Variants in AP5B1 observed in about 807,000 individuals in gnomAD.
AP5B1 encodes AP-5 complex subunit beta-1.
In AP5B1, 3 loss-of-function variants were observed where a neutral mutation model predicts 5.7. The ratio of observed to expected loss-of-function variants is 0.53; its 90% CI spans 0.24 to 1.36. The LOEUF (loss-of-function observed/expected upper bound fraction) is 1.36, where lower values mean the gene tolerates loss of function less well. Ranked by LOEUF, AP5B1 falls within the 40% of genes most tolerant of loss-of-function variation. The pLI is 0.17. For missense variants in AP5B1, 1,310 were observed against 1,143.2 expected (o/e 1.15, Z -2.10); for synonymous variants, 696 against 555.5 (o/e 1.25, Z -3.56).
chr11:65,778,757 A>G lies in AP5B1; in HGVS notation c.1736T>C (p.Val579Ala). ...CCCTGCCCGCAGCAGCGCCCGGCAG[A>G]CCCGCAGCAGGCCCTGCTGTAGGTC... Reference protein sequence around the residue: ...NWDLQQGLLRVCRALLRAGVR... With the variant: ...NWDLQQGLLRACRALLRAGVR... Residue 579 changes from valine to alanine, a missense_variant, in exon 2 of 2, where the codon GTC (valine) becomes GCC (alanine). Transcript: ENST00000532090. 5 of 1,608,862 alleles carry G rather than the reference A, an allele frequency of 3.1e-6. No homozygotes were observed. The highest frequency in any genetic ancestry group is 3.4e-6 in the Non-Finnish European group (4 of 1,178,380).
In AP5B1 at chr11:65,779,124, C is replaced by A; in HGVS notation, c.1369G>T (p.Gly457Cys). ...GLRQRAALDG[G>C]PRALATLCFQ... ...CAGAGAGTGGCCAAGGCCCGGGGGCCCCCATCCAGGGCTGCCCGCTGCCGC... is the reference window on the plus strand; with the variant it reads ...CAGAGAGTGGCCAAGGCCCGGGGGCACCCATCCAGGGCTGCCCGCTGCCGC... The change falls in exon 2 of 2, where the codon GGC (glycine) becomes TGC (cysteine). Residue 457 changes from glycine (G) to cysteine (C), a missense_variant. Physicochemically the swap from Gly to Cys is radical, Grantham distance 159. Coordinates refer to ENST00000532090, the MANE Select transcript of AP5B1 (RefSeq NM_138368.5). 6.2e-7 allele frequency: 1 copy of A among 1,609,128 alleles called. No homozygotes were observed. The highest frequency in any genetic ancestry group is 8.5e-7 in the Non-Finnish European group (1 of 1,178,392).
rs1287798702 is a variant in AP5B1, at chr11:65,780,129, G to A, written c.364C>T (p.Pro122Ser). The A allele has an allele frequency of 6.7e-7, 1 of 1,481,888 alleles. No homozygotes were observed. The highest frequency in any genetic ancestry group is 8.9e-7 in the Non-Finnish European group (1 of 1,119,270). The allele number at this position is 1,481,888 out of a possible 1,614,324, so 91.8% of individuals were successfully genotyped here. The part of the protein sequence containing the change: ...PTSGASCRLL[P>S]LLLGLAAGSD... ...CCCGCGGCCAGGCCGAGCAGTAGGG[G>A]CAGGAGCCGGCAGGAGGCGCCCGAG... The change falls in exon 2 of 2, where the codon CCC becomes TCC. Residue 122 changes from proline to serine, a missense_variant. Pro to Ser is a moderately conservative substitution (Grantham distance 74). Coordinates refer to ENST00000532090, the MANE Select transcript of AP5B1 (RefSeq NM_138368.5).
In AP5B1 at chr11:65,780,479, C is replaced by T; in HGVS notation, c.113G>A (p.Ser38Asn). 6.6e-7 allele frequency: 1 copy of T among 1,518,962 alleles called. No individual in the cohort carries two copies. The highest frequency in any genetic ancestry group is 8.8e-7 in the Non-Finnish European group (1 of 1,140,114). 94.1% of individuals were successfully genotyped at this position (1,518,962 alleles called of 1,614,324 possible). A position where few individuals can be genotyped will look rare whatever the true frequency, so the allele number is the denominator to read the frequency against. Residue 38 changes from serine to asparagine, a missense_variant, in exon 1 of 2, where the codon AGC becomes AAC. Ser to Asn is a conservative substitution (Grantham distance 46). Coordinates refer to ENST00000532090, the MANE Select transcript of AP5B1 (RefSeq NM_138368.5). Reference sequence around the variant, plus strand: ...GCTCAGCTTCTCACTTCTCAGGTCGCTCAGCAGGTCGCGACCCAAATCCTC... The same window carrying T: ...GCTCAGCTTCTCACTTCTCAGGTCGTTCAGCAGGTCGCGACCCAAATCCTC... The part of the protein sequence containing the change: ...EGEDLGRDLL[S>N]DLRSEKLSEQ...
At position 65,778,552 on chromosome 11, in the gene AP5B1, C is replaced by A; in HGVS notation, c.1941G>T (p.Glu647Asp). The A allele has an allele frequency of 6.3e-7, 1 of 1,581,958 alleles. No homozygotes were observed. The highest frequency in any genetic ancestry group is 8.6e-7 in the Non-Finnish European group (1 of 1,166,316). The change falls in exon 2 of 2, where the codon GAG becomes GAT. Residue 647 changes from glutamate to aspartate, a missense_variant. Glu to Asp is a conservative substitution (Grantham distance 45). Coordinates refer to ENST00000532090, the MANE Select transcript of AP5B1 (RefSeq NM_138368.5). ...TCAGTGCTGCCACAAAGCCCTGGTT[C>A]TCGGCCACCAGTGAAGAGGCCAGTG... ...APALASSLVA[E>D]NQGFVAALMV...
Position 65,778,081 on chromosome 11 carries a change from T to C in AP5B1, c.2412A>G (p.Pro804=), listed in dbSNP as rs775252064. Residue 804 remains proline, a synonymous_variant, in exon 2 of 2, where the codon CCA becomes CCG. Coordinates refer to ENST00000532090, the MANE Select transcript of AP5B1 (RefSeq NM_138368.5). Reference sequence around the variant, plus strand: ...GGGACACCAAGCCCTCCAGGCCCTGTGGCCCAAGTGGACACCACACACGAC... The same window carrying C: ...GGGACACCAAGCCCTCCAGGCCCTGCGGCCCAAGTGGACACCACACACGAC... ...AESRVWCPLG[P]QGLEGLVSRH... 83 of 1,612,788 alleles carry C rather than the reference T, an allele frequency of 5.1e-5. No homozygotes were observed. The highest frequency in any genetic ancestry group is 6.8e-6 in the Non-Finnish European group (8 of 1,179,874).
rs193141152 is a variant in AP5B1 at position 65,780,136 on chromosome 11, C to T, written c.357G>A (p.Arg119=). 4.5e-3 allele frequency: 6,692 copies of T among 1,481,200 alleles called. 17 individuals carry two copies. Among genetic ancestry groups the T allele is most frequent in the Middle Eastern group, 5.8e-3 (24 of 4,164 alleles). The allele number at this position is 1,481,200 out of a possible 1,614,324, so 91.8% of individuals were successfully genotyped here. The part of the protein sequence containing the change: ...ALGPTSGASC[R]LLPLLLGLAA... ...CCAGGCCGAGCAGTAGGGGCAGGAG[C>T]CGGCAGGAGGCGCCCGAGGTGGGGC... The change falls in exon 2 of 2, where the codon CGG becomes CGA. Residue 119 remains arginine (R), a synonymous_variant. Coordinates refer to ENST00000532090, the MANE Select transcript of AP5B1 (RefSeq NM_138368.5).
Position 65,779,221 on chromosome 11 carries a change from G to T in AP5B1, c.1272C>A (p.Ala424=). ...GGCCTTTCTCCTCTTCTTCCTCCTCGGCACAGAGCAGGCACAGTAAATGCA... is the reference window on the plus strand; with the variant it reads ...GGCCTTTCTCCTCTTCTTCCTCCTCTGCACAGAGCAGGCACAGTAAATGCA... The part of the protein sequence containing the change: ...ARLHLLCLLC[A]EEEEEEKGQL... Residue 424 remains alanine, a synonymous_variant, in exon 2 of 2, where the codon GCC becomes GCA. Coordinates refer to ENST00000532090, the MANE Select transcript of AP5B1 (RefSeq NM_138368.5). The T allele has an allele frequency of 1.2e-6, 2 of 1,602,172 alleles. No individual in the cohort carries two copies. The highest frequency in any genetic ancestry group is 1.7e-6 in the Non-Finnish European group (2 of 1,174,026).
Position 65,779,481 on chromosome 11 carries a change from A to G in AP5B1, c.1012T>C (p.Leu338=). 1 of 1,603,028 alleles carries G rather than the reference A, an allele frequency of 6.2e-7. No individual in the cohort carries two copies. The highest frequency in any genetic ancestry group is 8.5e-7 in the Non-Finnish European group (1 of 1,175,550). Reference sequence around the variant, plus strand: ...AACGCTTCATCCTGGGCTGTGAACAAGGCCTCACCAAAGGCCGCCTTGAGC... The same window carrying G: ...AACGCTTCATCCTGGGCTGTGAACAGGGCCTCACCAAAGGCCGCCTTGAGC... ...LALKAAFGEA[L]FTAQDEALLL... is the part of the protein sequence containing the mutation. Residue 338 remains leucine, a synonymous_variant, in exon 2 of 2, where the codon TTG becomes CTG. Transcript: ENST00000532090.
chr11:65,778,090 TGG>T lies in AP5B1; in HGVS notation c.2401_2402del (p.Pro801ThrfsTer59), dbSNP rs770638817. The T allele has an allele frequency of 1.2e-6, 2 of 1,612,760 alleles. No individual in the cohort carries two copies. The highest frequency in any genetic ancestry group is 1.7e-6 in the Non-Finnish European group (2 of 1,179,870). ...AGCCCTCCAGGCCCTGTGGCCCAAG[TGG>T]ACACCACACACGACTCTCAGCACCC... ...PEGAESRVWCPLGPQGLEGLV... is the reference protein window; with the variant it reads ...PEGAESRVWCXLGPQGLEGLV... On this transcript the variant is annotated frameshift_variant, in exon 2 of 2. Transcript: ENST00000532090. LOFTEE classifies it high-confidence loss of function.
rs192596040 is a variant in AP5B1 at position 65,779,228 on chromosome 11, A to T, written c.1265T>A (p.Leu422His). 3 of 1,599,174 alleles carry T rather than the reference A, an allele frequency of 1.9e-6. 1 individual carries two copies. The East Asian group carries it at 6.7e-5, about 36-fold the overall frequency. ...LLARLHLLCL[L>H]CAEEEEEEKG... is the part of the protein sequence containing the mutation. ...CTCCTCTTCTTCCTCCTCGGCACAG[A>T]GCAGGCACAGTAAATGCAGGCGGGC... Residue 422 changes from leucine to histidine, a missense_variant, in exon 2 of 2, where the codon CTC (leucine) becomes CAC (histidine). Transcript: ENST00000532090.
rs775687962 is a variant in AP5B1 at position 65,777,924 on chromosome 11, G to A, written c.2569C>T (p.Arg857Trp). 205 of 1,562,232 alleles carry A rather than the reference G, an allele frequency of 1.3e-4. No homozygotes were observed. Among genetic ancestry groups the A allele is most frequent in the Non-Finnish European group, 1.6e-4 (184 of 1,154,222 alleles). The change falls in exon 2 of 2, where the codon CGG becomes TGG. Residue 857 changes from arginine (R) to tryptophan (W), a missense_variant. Physicochemically the swap from Arg to Trp is moderately radical, Grantham distance 101. Transcript: ENST00000532090. Reference protein sequence around the residue: ...ALADGVPVALRTDDWAVLPLA... With the variant: ...ALADGVPVALWTDDWAVLPLA... ...GGCAGCACGGCCCAGTCATCGGTCCGCAGGGCCACAGGCACTCCATCTGCC... is the reference window on the plus strand; with the variant it reads ...GGCAGCACGGCCCAGTCATCGGTCCACAGGGCCACAGGCACTCCATCTGCC...
chr11:65,778,355 G>C lies in AP5B1; in HGVS notation c.2138C>G (p.Pro713Arg), dbSNP rs767463290. 1 of 1,610,432 alleles carries C rather than the reference G, an allele frequency of 6.2e-7. No homozygotes were observed. Among genetic ancestry groups the C allele is most frequent in the South Asian group, 1.1e-5 (1 of 90,892 alleles). The change falls in exon 2 of 2, where the codon CCC becomes CGC. Residue 713 changes from proline to arginine, a missense_variant. Physicochemically the swap from Pro to Arg is moderately radical, Grantham distance 103 (BLOSUM62 -2). Transcript: ENST00000532090. The stretch of plus-strand genomic sequence containing the variant: ...GGCAGGGCGGCCAGGACACAGGCAG[G>C]GCACATGGACAGCCTCCAGGGGTGC... Reference protein sequence around the residue: ...LYAPLEAVHVPCLCPGRPARP... With the variant: ...LYAPLEAVHVRCLCPGRPARP...
chr11:65,780,551 C>G lies in AP5B1; in HGVS notation c.41G>C (p.Gly14Ala). The change falls in exon 1 of 2, where the codon GGG (glycine) becomes GCG (alanine). Residue 14 changes from glycine (G) to alanine (A), a missense_variant. Coordinates refer to ENST00000532090, the MANE Select transcript of AP5B1 (RefSeq NM_138368.5). ...GGCAGACGGGCTGGCCCGGAAGGCC[C>G]CCAAGCGCTGGGCCCAGGCGTCCCG... Reference protein sequence around the residue: ...LSRDAWAQRLGAFRASPSAFM... With the variant: ...LSRDAWAQRLAAFRASPSAFM... 1 of 1,505,648 alleles carries G rather than the reference C, an allele frequency of 6.6e-7. No individual in the cohort carries two copies. The highest frequency in any genetic ancestry group is 1.4e-5 in the African/African-American group (1 of 70,002). 93.3% of individuals were successfully genotyped at this position (1,505,648 alleles called of 1,614,324 possible). A position where few individuals can be genotyped will look rare whatever the true frequency, so the allele number is the denominator to read the frequency against.
chr11:65,777,701 AC>A lies in AP5B1; in HGVS notation c.*154del, dbSNP rs200115064. 0.019 allele frequency: 15,522 copies of A among 833,266 alleles called. 194 individuals are homozygous for A. The highest frequency in any genetic ancestry group is 0.024 in the Non-Finnish European group (13,204 of 554,770). 51.6% of individuals were successfully genotyped at this position (833,266 alleles called of 1,614,324 possible). ...GAGCAGCAAAAACAGACTCAGACAG[AC>A]CCTCACCCCCAGGAGCCTGCTCCCA... is the stretch of plus-strand genomic sequence containing the variant. On this transcript the variant is annotated 3_prime_UTR_variant, in exon 2 of 2. Transcript: ENST00000532090.
chr11:65,778,247 C>T lies in AP5B1; in HGVS notation c.2246G>A (p.Gly749Asp), dbSNP rs1159058569. The change falls in exon 2 of 2, where the codon GGT becomes GAT. Residue 749 changes from glycine (G) to aspartate (D), a missense_variant. Physicochemically the swap from Gly to Asp is moderately conservative, Grantham distance 94. Transcript: ENST00000532090. The stretch of plus-strand genomic sequence containing the variant: ...TGGCAAGTGGGCATGGCACGTGAGA[C>T]CAGTGGATGTGGTGTAAAGGGCATG... ...DVHALYTTST[G>D]LTCHAHLPPL... The T allele has an allele frequency of 6.2e-7, 1 of 1,613,398 alleles. No homozygotes were observed. The highest frequency in any genetic ancestry group is 1.7e-5 in the Admixed American group (1 of 60,024).
In AP5B1 at chr11:65,774,501, TC is replaced by T. The variant is rs1438158319; in HGVS notation, c.*3354del. Among the ~76,000 whole-genome samples, 1 of 152,140 alleles carries T rather than the reference TC, an allele frequency of 6.6e-6. No homozygotes were observed. The highest frequency in any genetic ancestry group is 6.5e-5 in the Admixed American group (1 of 15,268). ...ATCTCAGTTCACTGCAACCTCCACC[TC>T]CCGGGTTCAAGCGATTCTCCTGCCT... On this transcript the variant is annotated 3_prime_UTR_variant, in exon 2 of 2. Transcript: ENST00000532090.
Position 65,779,597 on chromosome 11 carries a change from C to G in AP5B1, c.896G>C (p.Gly299Ala). ...GAGTGCCGGTGGCTGTCCCTGCAGA[C>G]CCCGCAGGGCCCAGCCCAGCAGCCA... ...LLWLLGWALR[G>A]LQGQPPALFK... The change falls in exon 2 of 2, where the codon GGT becomes GCT. Residue 299 changes from glycine (G) to alanine (A), a missense_variant. Gly to Ala is a moderately conservative substitution (Grantham distance 60, BLOSUM62 0). Transcript: ENST00000532090. 6.2e-7 allele frequency: 1 copy of G among 1,605,682 alleles called. No individual in the cohort carries two copies. The highest frequency in any genetic ancestry group is 1.1e-5 in the South Asian group (1 of 90,572).
chr11:65,779,115 C>A lies in AP5B1; in HGVS notation c.1378G>T (p.Ala460Ser). ...GCCTGGAAGCAGAGAGTGGCCAAGGCCCGGGGGCCCCCATCCAGGGCTGCC... is the reference window on the plus strand; with the variant it reads ...GCCTGGAAGCAGAGAGTGGCCAAGGACCGGGGGCCCCCATCCAGGGCTGCC... Reference protein sequence around the residue: ...QRAALDGGPRALATLCFQASY... With the variant: ...QRAALDGGPRSLATLCFQASY... The change falls in exon 2 of 2, where the codon GCC (alanine) becomes TCC (serine). Residue 460 changes from alanine (A) to serine (S), a missense_variant. By Grantham distance (99) the Ala-to-Ser change is moderately conservative (BLOSUM62 1). Transcript: ENST00000532090. 6.2e-7 allele frequency: 1 copy of A among 1,608,184 alleles called. No homozygotes were observed. The highest frequency in any genetic ancestry group is 8.5e-7 in the Non-Finnish European group (1 of 1,177,976).
rs774125356 is a variant in AP5B1, at chr11:65,779,546, A to C, written c.947T>G (p.Leu316Arg). Reference protein sequence around the residue: ...ALFKPQLVRLLGTAQLTLLHA... With the variant: ...ALFKPQLVRLRGTAQLTLLHA... ...CAACAGTGTCAGCTGTGCTGTGCCT[A>C]GCAGCCGTACCAGCTGCGGCTTGAA... Residue 316 changes from leucine to arginine, a missense_variant, in exon 2 of 2, where the codon CTA becomes CGA. By Grantham distance (102) the Leu-to-Arg change is moderately radical. Transcript: ENST00000532090. 5.0e-6 allele frequency: 8 copies of C among 1,608,040 alleles called. 1 individual carries two copies. The South Asian group carries it at 8.8e-5, about 18-fold the overall frequency.
Sources: gnomAD v4.1 joint callset for allele counts (sites outside exome capture counted in the v4.1 genomes callset) on GRCh38, gnomAD v4.1.1 for gene constraint, MANE v1.5 for transcripts, NCBI Gene and HGNC (gene_info 2026-07-23, HGNC 2026-07-21) for gene names.